The following PTPRD variants were observed in gnomAD, a reference collection of about 807,000 sequenced individuals.
PTPRD encodes protein tyrosine phosphatase receptor type D, also known as receptor-type tyrosine-protein phosphatase delta.
PTPRD carries 34 observed loss-of-function variants against 214.5 expected under a neutral mutation model. The ratio of observed to expected loss-of-function variants is 0.16; its 90% CI spans 0.12 to 0.21. The LOEUF is 0.21. Among genes scored for constraint, PTPRD ranks in the 10% least tolerant of loss-of-function variants. The probability of loss-of-function intolerance (pLI) is 1.00; values close to 1 mark genes in which losing one functional copy is unlikely to be tolerated. For synonymous variants in PTPRD, 1,128 were observed against 845.7 expected (o/e 1.33, Z -5.79); for missense variants, 2,545 against 2,398.7 (o/e 1.06, Z -1.27).
At chr9:9,137,005 T>C (rs536772726) in intron 10 of PTPRD, among the ~76,000 whole-genome samples, 8 of 152,306 alleles carry the variant, frequency 5.3e-5, no homozygotes, top group African/African-American at 1.9e-4. Context: ...TCTTGTTTAT[T>C]ATTTGGTCTT....
intron 7 of PTPRD, among the ~76,000 whole-genome samples, chr9:9,580,282 C>T (rs562722952): frequency 8.0e-4 from 121 of 152,184 alleles, no homozygotes; most frequent in Non-Finnish European, 1.5e-3. Context: ...TGAGAAATCT[C>T]CATACTGTTT....
chr9:8,948,564 T>TATATATATTTATATATATTA (rs1567185262), intron 11 of PTPRD, among the ~76,000 whole-genome samples: 2 of 100,204 alleles, frequency 2.0e-5, no homozygotes, highest in African/African-American at 7.8e-5. Flanking sequence ...TATATATATT[T>TATATATATTTATATATATTA]ATATATATAT....
intron 8 of PTPRD, among the ~76,000 whole-genome samples, chr9:9,421,238 A>T (rs2078692569): frequency 6.6e-6 from 1 of 152,004 alleles, no homozygotes; most frequent in African/African-American, 2.4e-5. Flanking sequence ...AAAACACTTT[A>T]ATTCTAAAAA....
intron 2 of PTPRD, among the ~76,000 whole-genome samples, chr9:10,523,976 C>G (rs1307396572): frequency 6.6e-6 from 1 of 151,954 alleles, no homozygotes; most frequent in East Asian, 1.9e-4. Flanking sequence ...GTTCTGCAAG[C>G]TAGAAGTCCA....
At chr9:8,476,397 G>A (rs1051929151) in intron 30 of PTPRD, among the ~76,000 whole-genome samples, 1 of 152,100 alleles carries the variant, frequency 6.6e-6, no homozygotes, top group Admixed American at 6.5e-5. Flanking sequence ...GTGTGGTCGG[G>A]TTCCTAACAA....
At chr9:8,515,623 A>G (rs2097769381) in intron 21 of PTPRD, among the ~76,000 whole-genome samples, 5 of 152,222 alleles carry the variant, frequency 3.3e-5, no homozygotes. Context: ...TGGGAAGAAC[A>G]TAATGTAAAG....
At chr9:9,596,699 C>A (rs965371703) in intron 7 of PTPRD, among the ~76,000 whole-genome samples, 13 of 151,948 alleles carry the variant, frequency 8.6e-5, no homozygotes, top group Non-Finnish European at 1.6e-4. Flanking sequence ...CAGTCCATAT[C>A]CTTCTGGTTG....
intron 4 of PTPRD, among the ~76,000 whole-genome samples, chr9:9,966,244 A>G (rs1226210705): frequency 6.6e-6 from 1 of 152,154 alleles, no homozygotes; most frequent in Non-Finnish European, 1.5e-5. Context: ...CTCAACTTCT[A>G]ATTTATCAAT....
chr9:8,875,655 T>C (rs931520756), intron 11 of PTPRD, among the ~76,000 whole-genome samples: 11 of 152,314 alleles, frequency 7.2e-5, no homozygotes, highest in African/African-American at 2.4e-4. Context: ...GTATGGATGC[T>C]CTTGTATATT....
intron 5 of PTPRD, among the ~76,000 whole-genome samples, chr9:9,935,760 G>T (rs1252052014): frequency 2.7e-5 from 4 of 148,740 alleles, no homozygotes; most frequent in Non-Finnish European, 4.4e-5. Flanking sequence ...AAAAAAGCCC[G>T]CATTGCCAAG....
At chr9:9,266,306 A>C (rs1594824380) in intron 9 of PTPRD, among the ~76,000 whole-genome samples, 1 of 151,534 alleles carries the variant, frequency 6.6e-6, no homozygotes, top group Admixed American at 6.6e-5. Flanking sequence ...ATAGAATAAT[A>C]GTAGGGGACT....
intron 2 of PTPRD, among the ~76,000 whole-genome samples, chr9:10,410,686 T>A (rs1392966366): frequency 6.6e-6 from 1 of 151,766 alleles, no homozygotes; most frequent in East Asian, 2.0e-4. Context: ...ATAATAACAT[T>A]GATTCAGACA....
chr9:9,438,093 T>C (rs982385940), intron 8 of PTPRD, among the ~76,000 whole-genome samples: 1 of 152,106 alleles, frequency 6.6e-6, no homozygotes, highest in Non-Finnish European at 1.5e-5. Flanking sequence ...TATCCTAATG[T>C]CCTCTTCTCA....
intron 39 of PTPRD, among the ~76,000 whole-genome samples, chr9:8,343,827 C>T (rs10123620): frequency 0.042 from 6,320 of 152,074 alleles, 435 homozygotes; most frequent in African/African-American, 0.14. Flanking sequence ...TAGTGACTGG[C>T]TTGAGATGCC....
intron 10 of PTPRD, among the ~76,000 whole-genome samples, chr9:9,073,920 G>C (rs555598431): frequency 1.3e-5 from 2 of 152,068 alleles, no homozygotes; most frequent in East Asian, 3.9e-4. Flanking sequence ...TCTAGTCTGT[G>C]TAATATTGGT....
At chr9:8,860,536 T>A (rs188578102) in intron 11 of PTPRD, 1 of 152,200 alleles carries the variant, frequency 6.6e-6, no homozygotes, top group Non-Finnish European at 1.5e-5. Flanking sequence ...AGGGTGATGC[T>A]GCTGAAAAAC....
chr9:10,530,081 T>TA (rs2055726473), intron 2 of PTPRD, among the ~76,000 whole-genome samples: 1 of 152,060 alleles, frequency 6.6e-6, no homozygotes, highest in East Asian at 1.9e-4. Flanking sequence ...AAAGTCAATT[T>TA]AAAAAAAATA....
At chr9:9,257,885 C>T (rs975344111) in intron 9 of PTPRD, among the ~76,000 whole-genome samples, 26 of 151,922 alleles carry the variant, frequency 1.7e-4, no homozygotes, top group African/African-American at 5.8e-4. Flanking sequence ...TCCGAACTAA[C>T]CTTTTAAAAA....
At chr9:9,972,685 G>C (rs567463512) in intron 4 of PTPRD, among the ~76,000 whole-genome samples, 18 of 152,238 alleles carry the variant, frequency 1.2e-4, no homozygotes, top group African/African-American at 4.3e-4. Context: ...AGCAAAGCTG[G>C]TTCTTTCTGG....
Sources: gnomAD v4.1 joint callset for allele counts (sites outside exome capture counted in the v4.1 genomes callset) on GRCh38, gnomAD v4.1.1 for gene constraint, MANE v1.5 for transcripts, NCBI Gene and HGNC (gene_info 2026-07-23, HGNC 2026-07-21) for gene names.